The following CTNNA3 variants were observed in gnomAD, a reference collection of about 807,000 sequenced individuals.
CTNNA3 encodes catenin alpha 3, also known as catenin alpha-3.
Under a neutral mutation model 95.7 loss-of-function variants are expected in CTNNA3, and 76 were observed. The observed-to-expected ratio is 0.79, with a 90% CI of 0.66 to 0.96. The LOEUF is 0.96. Among genes scored for constraint, CTNNA3 ranks in the 40% least tolerant of loss-of-function variants. CTNNA3 has a pLI of 0.00. For missense variants in CTNNA3, 1,191 were observed against 1,089.8 expected (o/e 1.09, Z -1.31); for synonymous variants, 431 against 374.4 (o/e 1.15, Z -1.74).
chr10:67,010,781 A>G (rs1852274168), intron 7 of CTNNA3, among the ~76,000 whole-genome samples: 1 of 152,194 alleles, frequency 6.6e-6, no homozygotes, highest in Non-Finnish European at 1.5e-5. Context: ...TCCTCCACAG[A>G]AAGGATTTGA....
At chr10:66,519,493 T>C (rs1170039006) in intron 11 of CTNNA3, among the ~76,000 whole-genome samples, 1 of 152,194 alleles carries the variant, frequency 6.6e-6, no homozygotes, top group African/African-American at 2.4e-5. Context: ...AGCTGGGAAC[T>C]GCTTAGGACA....
At chr10:67,521,611 G>A (rs779936745) in intron 5 of CTNNA3, among the ~76,000 whole-genome samples, 1 of 152,152 alleles carries the variant, frequency 6.6e-6, no homozygotes, top group Admixed American at 6.5e-5. Context: ...TTTTCTTTAA[G>A]AGAGGTATAA....
chr10:66,646,601 G>A (rs561478416), intron 9 of CTNNA3, among the ~76,000 whole-genome samples: 103 of 152,176 alleles, frequency 6.8e-4, no homozygotes, highest in Non-Finnish European at 1.3e-3. Context: ...TGTTATTAAG[G>A]TATACTCTAA....
In CTNNA3 at chr10:67,269,212, G is replaced by T. The variant is rs547186766; in HGVS notation, c.580-49342C>A. Reference sequence around the variant, plus strand: ...TTTTTATAATTCATATAACAGAAAGGTTGGAGTCATTAAAGATTTTTTATG... The same window carrying T: ...TTTTTATAATTCATATAACAGAAAGTTTGGAGTCATTAAAGATTTTTTATG... On this transcript the variant is annotated intron_variant, in intron 5 of 17. Coordinates refer to ENST00000433211, the MANE Select transcript of CTNNA3 (RefSeq NM_013266.4). 3.3e-5 allele frequency among the ~76,000 whole-genome samples: 5 copies of T among 152,252 alleles called. No individual in the cohort carries two copies. The South Asian group carries it at 6.2e-4, about 19-fold the overall frequency.
At chr10:66,514,721 G>A (rs533821186) in intron 11 of CTNNA3, among the ~76,000 whole-genome samples, 1 of 152,048 alleles carries the variant, frequency 6.6e-6, no homozygotes, top group South Asian at 2.1e-4. Flanking sequence ...AATAAACGAA[G>A]GAATAAATAA....
rs537682764 is a variant in CTNNA3 at position 67,035,048 on chromosome 10, C to A, written c.1047+145269G>T. ...TGAGGTCACCAGTTAGAAGTGCTCACTGTATTTTATGAATACTGATAGCTC... is the reference window on the plus strand; with the variant it reads ...TGAGGTCACCAGTTAGAAGTGCTCAATGTATTTTATGAATACTGATAGCTC... On this transcript the variant is annotated intron_variant, in intron 7 of 17. Coordinates refer to ENST00000433211, the MANE Select transcript of CTNNA3 (RefSeq NM_013266.4). Among the ~76,000 whole-genome samples the A allele has an allele frequency of 3.9e-5, 6 of 152,320 alleles. No individual in the cohort carries two copies. In the South Asian group the frequency reaches 1.2e-3, roughly 32 times the overall value.
chr10:66,929,543 G>A (rs1007647118), intron 7 of CTNNA3, among the ~76,000 whole-genome samples: 1 of 152,120 alleles, frequency 6.6e-6, no homozygotes, highest in Non-Finnish European at 1.5e-5. Flanking sequence ...ATTCCAAGAC[G>A]TGCCTTCCAC....
At chr10:67,581,270 G>C (rs1010876811) in intron 3 of CTNNA3, among the ~76,000 whole-genome samples, 14 of 152,114 alleles carry the variant, frequency 9.2e-5, no homozygotes, top group Non-Finnish European at 1.8e-4. Flanking sequence ...TAGCATGAAG[G>C]GCTGTTGAAT....
At chr10:67,259,756 G>T (rs1169617514) in intron 5 of CTNNA3, among the ~76,000 whole-genome samples, 2 of 152,058 alleles carry the variant, frequency 1.3e-5, no homozygotes, top group Non-Finnish European at 2.9e-5. Flanking sequence ...TTTCTCAGCT[G>T]CAGGATACCA....
In CTNNA3 at chr10:66,621,798, C is replaced by A; in HGVS notation, c.1282-14G>T. 1 of 1,524,220 alleles carries A rather than the reference C, an allele frequency of 6.6e-7. No individual in the cohort carries two copies. Among genetic ancestry groups the A allele is most frequent in the Non-Finnish European group, 9.0e-7 (1 of 1,110,038 alleles). 94.4% of individuals were successfully genotyped at this position (1,524,220 alleles called of 1,614,324 possible). On this transcript the variant is annotated splice_polypyrimidine_tract_variant and intron_variant, in intron 9 of 17. Coordinates refer to ENST00000433211, the MANE Select transcript of CTNNA3 (RefSeq NM_013266.4). Reference sequence around the variant, plus strand: ...AAGATTTGCCACCTTAAATACAATCCAAAATAATGGAAATTATTTTAGATT... The same window carrying A: ...AAGATTTGCCACCTTAAATACAATCAAAAATAATGGAAATTATTTTAGATT...
chr10:66,987,329 T>C (rs1850786861), intron 7 of CTNNA3, among the ~76,000 whole-genome samples: 1 of 152,108 alleles, frequency 6.6e-6, no homozygotes, highest in African/African-American at 2.4e-5. Context: ...ATCACATTGA[T>C]TCAGATGAGA....
At chr10:66,302,479 A>G (rs535514695) in intron 12 of CTNNA3, among the ~76,000 whole-genome samples, 28 of 152,266 alleles carry the variant, frequency 1.8e-4, no homozygotes, top group Admixed American at 1.7e-3. Flanking sequence ...ACATAAAGTA[A>G]AAGAAACTGT....
At chr10:67,090,162 T>C (rs767788816) in intron 7 of CTNNA3, among the ~76,000 whole-genome samples, 5 of 152,094 alleles carry the variant, frequency 3.3e-5, no homozygotes, top group Non-Finnish European at 7.4e-5. Flanking sequence ...TCCAGGAGTA[T>C]ACTTAAGGTT....
At chr10:66,252,037 A>T (rs1397413842) in intron 13 of CTNNA3, among the ~76,000 whole-genome samples, 4 of 152,186 alleles carry the variant, frequency 2.6e-5, no homozygotes, top group African/African-American at 9.6e-5. Flanking sequence ...CATCAATTTA[A>T]TCTCACAGAG....
chr10:67,680,686 G>A (rs1404782605), intron 1 of CTNNA3, among the ~76,000 whole-genome samples: 2 of 151,976 alleles, frequency 1.3e-5, no homozygotes, highest in African/African-American at 2.4e-5. Context: ...AAAAACCCTG[G>A]CTAAGGTACC....
At chr10:66,594,735 C>A (rs984394212) in intron 10 of CTNNA3, among the ~76,000 whole-genome samples, 3 of 152,066 alleles carry the variant, frequency 2.0e-5, no homozygotes, top group Admixed American at 2.0e-4. Flanking sequence ...GATATGGTAG[C>A]ATGTAGTATG....
At chr10:67,142,196 G>A (rs1471021645) in intron 7 of CTNNA3, among the ~76,000 whole-genome samples, 2 of 152,214 alleles carry the variant, frequency 1.3e-5, no homozygotes, top group Non-Finnish European at 1.5e-5. Context: ...GATATTATTG[G>A]AGAACAAAAA....
At chr10:67,618,638 A>G (rs1192933267) in intron 2 of CTNNA3, among the ~76,000 whole-genome samples, 7 of 152,236 alleles carry the variant, frequency 4.6e-5, no homozygotes, top group African/African-American at 1.7e-4. Context: ...CTACTTGCTC[A>G]TCATGATGAA....
chr10:67,491,974 C>T (rs571117215), intron 5 of CTNNA3, among the ~76,000 whole-genome samples: 1 of 151,960 alleles, frequency 6.6e-6, no homozygotes, highest in African/African-American at 2.4e-5. Flanking sequence ...AGCTTGAACA[C>T]CTCATTAAGT....
Sources: gnomAD v4.1 joint callset for allele counts (sites outside exome capture counted in the v4.1 genomes callset) on GRCh38, gnomAD v4.1.1 for gene constraint, MANE v1.5 for transcripts, NCBI Gene and HGNC (gene_info 2026-07-23, HGNC 2026-07-21) for gene names.